Variants in ASS1 observed in about 807,000 individuals in gnomAD.
The protein encoded by ASS1 is argininosuccinate synthase 1, also known as argininosuccinate synthase.
In ASS1, 58 loss-of-function variants were observed where a neutral mutation model predicts 60.5. The ratio of observed to expected loss-of-function variants is 0.96; its 90% CI spans 0.78 to 1.19. The LOEUF is 1.19. Ranked by LOEUF, ASS1 falls within the 50% of genes most tolerant of loss-of-function variation. ASS1 has a pLI of 0.00. For synonymous variants in ASS1, 200 were observed against 206.9 expected (o/e 0.97, Z 0.29); for missense variants, 454 against 547.3 (o/e 0.83, Z 1.70).
In ASS1 at chr9:130,476,420, G is replaced by C. The variant is rs139952726; in HGVS notation, c.598-451G>C. 1.2e-4 allele frequency: 25 copies of C among 205,944 alleles called. No homozygotes were observed. The highest frequency in any genetic ancestry group is 2.4e-4 in the Non-Finnish European group (24 of 101,876). 12.8% of individuals were successfully genotyped at this position (205,944 alleles called of 1,614,324 possible). On this transcript the variant is annotated intron_variant, in intron 8 of 14. Coordinates refer to ENST00000352480, the MANE Select transcript of ASS1 (RefSeq NM_054012.4). The surrounding 1 kb of genome is among the most constrained non-coding windows in gnomAD (Gnocchi z 4.9). ...TATTAACCTTGGGGACCCTGGGGAC[G>C]GCTCGGCTTGCCAGAGCACCTGCTG...
intron 13 of ASS1, among the ~76,000 whole-genome samples, chr9:130,495,610 AG>A (rs1051486811): frequency 3.9e-5 from 6 of 151,934 alleles, no homozygotes; most frequent in African/African-American, 1.5e-4. Context: ...AAAAGTGGCC[AG>A]GGGGAAGGAG....
At chr9:130,493,748 GGCCTGCCT>G (rs58946745) in intron 12 of ASS1, among the ~76,000 whole-genome samples, 47 of 152,058 alleles carry the variant, frequency 3.1e-4, no homozygotes, top group African/African-American at 9.7e-4. Context: ...CCCCCGCCAT[GGCCTGCCT>G]GCCTGCCTGC....
In ASS1 at chr9:130,494,822, G is replaced by A. The variant is rs941738252; in HGVS notation, c.971-45G>A. The stretch of plus-strand genomic sequence containing the variant: ...GCCCCAGGTCTCCCTGTGTCCTCGC[G>A]GTGCAGGAGGCCTCCCTAGTGGTAT... On this transcript the variant is annotated intron_variant, in intron 12 of 14. Coordinates refer to ENST00000352480, the MANE Select transcript of ASS1 (RefSeq NM_054012.4). This position sits in a 1 kb window ranked among gnomAD's most constrained non-coding sequence, Gnocchi z 4.3. 42 of 1,610,372 alleles carry A rather than the reference G, an allele frequency of 2.6e-5. No homozygotes were observed. The highest frequency in any genetic ancestry group is 3.3e-5 in the Admixed American group (2 of 59,980).
rs984147186 is a variant in ASS1, at chr9:130,469,148, G to A, written c.496-1686G>A. Reference sequence around the variant, plus strand: ...GCACCCAGCTGCTGAGCTGAGTGAGGAGCGAGGACGGAGCCCAGCAGGCCA... The same window carrying A: ...GCACCCAGCTGCTGAGCTGAGTGAGAAGCGAGGACGGAGCCCAGCAGGCCA... On this transcript the variant is annotated intron_variant, in intron 6 of 14. Coordinates refer to ENST00000352480, the MANE Select transcript of ASS1 (RefSeq NM_054012.4). Among the ~76,000 whole-genome samples, 11 of 152,312 alleles carry A rather than the reference G, an allele frequency of 7.2e-5. 1 individual carries two copies. The South Asian group carries it at 2.3e-3, about 32-fold the overall frequency.
chr9:130,452,406 T>C (rs1157364169), intron 2 of ASS1, 73 bp downstream of exon 2: 2 of 1,331,952 alleles, frequency 1.5e-6, no homozygotes, highest in Admixed American at 1.8e-5. Flanking sequence ...TGCCAGCCTC[T>C]GTCTGGGTTG....
At chr9:130,499,356 T>A (rs192915423) in intron 13 of ASS1, 149 bp from the exon 14 acceptor site, 2 of 837,530 alleles carry the variant, frequency 2.4e-6, no homozygotes, top group Admixed American at 4.1e-5. Context: ...AGAAATTCAA[T>A]GGAAAGCCGA....
At chr9:130,481,382 C>T (rs535460461) in intron 11 of ASS1, among the ~76,000 whole-genome samples, 84 of 152,244 alleles carry the variant, frequency 5.5e-4, no homozygotes, top group South Asian at 3.9e-3. Flanking sequence ...CTTCCTGTTT[C>T]GGTAAATGTT....
Position 130,454,350 on chromosome 9 carries a change from G to A in ASS1, c.151G>A (p.Ala51Thr), listed in dbSNP as rs142350255. Residue 51 changes from alanine (A) to threonine (T), a missense_variant, in exon 3 of 15, where the codon GCA (alanine) becomes ACA (threonine). Transcript: ENST00000352480. ...KEDFEEARKK[A>T]LKLGAKKVFI... Reference sequence around the variant, plus strand: ...AGACTTCGAGGAAGCCAGGAAGAAGGCACTGAAGCTTGGGGCCAAAAAGGT... The same window carrying A: ...AGACTTCGAGGAAGCCAGGAAGAAGACACTGAAGCTTGGGGCCAAAAAGGT... 1.8e-5 allele frequency: 29 copies of A among 1,613,600 alleles called. No individual in the cohort carries two copies. Among genetic ancestry groups the A allele is most frequent in the African/African-American group, 2.7e-5 (2 of 74,908 alleles).
At chr9:130,454,283 C>A (rs1252971979) in intron 2 of ASS1, 22 bp from the exon 3 acceptor site, 1 of 1,605,940 alleles carries the variant, frequency 6.2e-7, no homozygotes, top group African/African-American at 1.3e-5. Flanking sequence ...GCTGACGGAG[C>A]CTCTCCGCTT....
At chr9:130,473,668 T>C (rs1306068468) in intron 8 of ASS1, among the ~76,000 whole-genome samples, 1 of 152,130 alleles carries the variant, frequency 6.6e-6, no homozygotes, top group African/African-American at 2.4e-5. Context: ...GAACAGAGCC[T>C]GGGGAACCCG....
At chr9:130,454,500 C>A in intron 3 of ASS1, 127 bp downstream of exon 3, 2 of 1,039,958 alleles carry the variant, frequency 1.9e-6, no homozygotes, top group Non-Finnish European at 2.9e-6. Flanking sequence ...AGTATGAGAT[C>A]ATCCTGCTCT....
chr9:130,464,189 T>A, intron 5 of ASS1, 22 bp downstream of exon 5: 1 of 1,612,472 alleles, frequency 6.2e-7, no homozygotes. Context: ...CTCCTCCCCT[T>A]AGCAGGGAGC....
intron 10 of ASS1, 151 bp downstream of exon 10, chr9:130,479,951 C>T: frequency 1.1e-6 from 1 of 945,924 alleles, no homozygotes; most frequent in Non-Finnish European, 1.7e-6. Context: ...TTTCCCGGAC[C>T]AGGGGGACCC....
chr9:130,490,519 G>A (rs1403265504), intron 12 of ASS1, among the ~76,000 whole-genome samples: 1 of 151,942 alleles, frequency 6.6e-6, no homozygotes, highest in African/African-American at 2.4e-5. Context: ...TCACCATGTT[G>A]GCCAGGCTGG....
intron 5 of ASS1, among the ~76,000 whole-genome samples, chr9:130,465,056 A>ATATT (rs1479147331): frequency 1.1e-4 from 13 of 120,126 alleles, no homozygotes; most frequent in East Asian, 5.3e-4. Context: ...ATATATATAT[A>ATATT]TTTTTTTTTT....
In ASS1 at chr9:130,476,002, A is replaced by G. The variant is rs1271459995; in HGVS notation, c.598-869A>G. On this transcript the variant is annotated intron_variant, in intron 8 of 14. Coordinates refer to ENST00000352480, the MANE Select transcript of ASS1 (RefSeq NM_054012.4). This position sits in a 1 kb window ranked among gnomAD's most constrained non-coding sequence, Gnocchi z 4.9. ...TCGAACTCCTGAGCTCAGGCAGTCC[A>G]CCCACCTCAGCCTCCCAAAGTGCTA... 9.2e-5 allele frequency among the ~76,000 whole-genome samples: 14 copies of G among 151,990 alleles called. 1 individual carries two copies. The highest frequency in any genetic ancestry group is 1.2e-4 in the Non-Finnish European group (8 of 68,004).
intron 1 of ASS1, chr9:130,445,249 AGTC>A: frequency 3.0e-5 from 4 of 132,038 alleles, no homozygotes; most frequent in African/African-American, 5.7e-5. Flanking sequence ...CGGGGGCGCG[AGTC>A]CCCGGGTCCG....
intron 1 of ASS1, among the ~76,000 whole-genome samples, chr9:130,448,840 A>G (rs1845259583): frequency 6.6e-6 from 1 of 152,186 alleles, no homozygotes. Flanking sequence ...CTGGGATTAC[A>G]GGCATGAACC....
rs368331402 is a variant in ASS1, at chr9:130,492,852, C to G, written c.971-2015C>G. ...CAGGTCTGGGGGGTGCAGGGTCTCC[C>G]CCATTGCAGCTTATGCCAGGCTCAC... On this transcript the variant is annotated intron_variant, in intron 12 of 14. Transcript: ENST00000352480. Among the ~76,000 whole-genome samples, 6 of 152,292 alleles carry G rather than the reference C, an allele frequency of 3.9e-5. No homozygotes were observed. The South Asian group carries it at 6.2e-4, about 16-fold the overall frequency.
Sources: allele counts gnomAD v4.1 joint callset (sites outside exome capture counted in the v4.1 genomes callset), GRCh38; gene constraint gnomAD v4.1.1; non-coding constraint Gnocchi (gnomAD v3.1); transcripts MANE v1.5; gene names NCBI Gene and HGNC (gene_info 2026-07-23, HGNC 2026-07-21).